STK33: variants seen among roughly 807,000 people sequenced by gnomAD.
The protein encoded by STK33 is serine/threonine kinase 33.
STK33 carries 52 observed loss-of-function variants against 58.0 expected under a neutral mutation model. The observed-to-expected ratio is 0.90, with a 90% CI of 0.72 to 1.13. The LOEUF (loss-of-function observed/expected upper bound fraction) is 1.13, where lower values mean the gene tolerates loss of function less well. STK33 is among the 50% of genes most tolerant of loss of function. STK33 has a pLI of 0.00. For synonymous variants in STK33, 215 were observed against 200.1 expected, an observed-to-expected ratio of 1.07 and a Z score of -0.63; for missense variants, 630 against 604.2, an observed-to-expected ratio of 1.04 and a Z score of -0.45.
intron 1 of STK33, among the ~76,000 whole-genome samples, chr11:8,491,602 A>G (rs1950616340): frequency 6.6e-6 from 1 of 152,210 alleles, no homozygotes; most frequent in South Asian, 2.1e-4. Context: ...AACACCATAA[A>G]GATATTCCTT....
At chr11:8,494,486 G>A (rs542297216) in intron 1 of STK33, among the ~76,000 whole-genome samples, 4 of 152,170 alleles carry the variant, frequency 2.6e-5, no homozygotes, top group Non-Finnish European at 5.9e-5. Context: ...TCATGGATAG[G>A]AAGAATCAAT....
At chr11:8,558,364 C>T (rs939990561) in intron 1 of STK33, among the ~76,000 whole-genome samples, 1 of 151,568 alleles carries the variant, frequency 6.6e-6, no homozygotes, top group Non-Finnish European at 1.5e-5. Flanking sequence ...GGAAATGTAG[C>T]TAGGGACACA....
At chr11:8,440,591 T>C (rs1487502333) in intron 12 of STK33, 87 bp downstream of exon 12, 9 of 1,142,892 alleles carry the variant, frequency 7.9e-6, no homozygotes, top group Admixed American at 5.9e-5. Context: ...TTTAAAAATA[T>C]ATATTAGTTT....
chr11:8,395,245 G>C (rs895401703), intron 15 of STK33, among the ~76,000 whole-genome samples: 16 of 152,180 alleles, frequency 1.1e-4, no homozygotes, highest in African/African-American at 3.9e-4. Flanking sequence ...GGAGGTAATT[G>C]AATCACAGGG....
chr11:8,532,299 G>A (rs185996437), intron 1 of STK33, among the ~76,000 whole-genome samples: 2 of 152,320 alleles, frequency 1.3e-5, no homozygotes, highest in Non-Finnish European at 2.9e-5. Context: ...CTGGCCTGTC[G>A]CTTGCTTTTA....
intron 15 of STK33, 85 bp from the exon 16 acceptor site, chr11:8,392,795 G>C: frequency 7.1e-7 from 1 of 1,413,860 alleles, no homozygotes; most frequent in Non-Finnish European, 9.8e-7. Flanking sequence ...AAGTTGTCCA[G>C]GATTTGCAAG....
chr11:8,501,350 G>C (rs1376593699), intron 1 of STK33, among the ~76,000 whole-genome samples: 1 of 151,922 alleles, frequency 6.6e-6, no homozygotes, highest in Admixed American at 6.6e-5. Flanking sequence ...AGAATAAAGA[G>C]ACAACCCAAT....
chr11:8,335,210 C>T, the STK33 span, among the ~76,000 whole-genome samples: 1 of 152,180 alleles, frequency 6.6e-6, no homozygotes. Context: ...CAACTCTGGG[C>T]CCCTCCTGAT....
At chr11:8,579,049 T>G (rs1958378578) in intron 1 of STK33, among the ~76,000 whole-genome samples, 1 of 152,126 alleles carries the variant, frequency 6.6e-6, no homozygotes, top group African/African-American at 2.4e-5. Flanking sequence ...AATCACCAAG[T>G]TATAGTCATC....
chr11:8,579,239 G>C (rs77683110), intron 1 of STK33, among the ~76,000 whole-genome samples: 2,742 of 152,044 alleles, frequency 0.018, 88 homozygotes, highest in African/African-American at 0.061. Flanking sequence ...ATTTGGTATA[G>C]GTTTTTTATT....
chr11:8,585,661 G>A (rs1035101626), intron 1 of STK33, among the ~76,000 whole-genome samples: 1 of 152,118 alleles, frequency 6.6e-6, no homozygotes, highest in Non-Finnish European at 1.5e-5. Context: ...TGTATTCCAA[G>A]CACTTTGGGA....
chr11:8,450,245 T>C (rs1319702431), intron 11 of STK33, among the ~76,000 whole-genome samples: 1 of 152,152 alleles, frequency 6.6e-6, no homozygotes, highest in African/African-American at 2.4e-5. Flanking sequence ...GATGAGTTCA[T>C]GTCCTTTGCA....
At chr11:8,393,393 G>A (rs996510227) in intron 15 of STK33, among the ~76,000 whole-genome samples, 6 of 152,208 alleles carry the variant, frequency 3.9e-5, no homozygotes, top group African/African-American at 2.4e-5. Context: ...TTCTCAGGTC[G>A]CCTCATTCCA....
chr11:8,401,248 A>C (rs549753107), intron 15 of STK33, among the ~76,000 whole-genome samples: 1 of 152,220 alleles, frequency 6.6e-6, no homozygotes, highest in Non-Finnish European at 1.5e-5. Flanking sequence ...CCAAAACAGC[A>C]TGGTACTGGT....
intron 1 of STK33, among the ~76,000 whole-genome samples, chr11:8,581,683 C>G (rs1430434915): frequency 1.3e-5 from 2 of 152,330 alleles, no homozygotes; most frequent in African/African-American, 4.8e-5. Flanking sequence ...GTAACTTCCC[C>G]TATGTGATTA....
At chr11:8,447,849 C>T (rs1220011880) in intron 11 of STK33, among the ~76,000 whole-genome samples, 2 of 152,154 alleles carry the variant, frequency 1.3e-5, no homozygotes, top group Non-Finnish European at 2.9e-5. Context: ...GTCAAATTGT[C>T]CCTGTTTGCA....
chr11:8,540,634 G>C (rs1955433845), intron 1 of STK33, among the ~76,000 whole-genome samples: 1 of 152,062 alleles, frequency 6.6e-6, no homozygotes, highest in Non-Finnish European at 1.5e-5. Context: ...AAAAAAGACA[G>C]ACACAGAAAG....
the STK33 span, among the ~76,000 whole-genome samples, chr11:8,337,446 G>A: frequency 6.6e-6 from 1 of 152,136 alleles, no homozygotes; most frequent in South Asian, 2.1e-4. Flanking sequence ...CAACAGGGCC[G>A]GCCTAGGGGG....
downstream of STK33, among the ~76,000 whole-genome samples, chr11:8,389,217 G>A (rs1460485731): frequency 1.3e-5 from 2 of 152,262 alleles, no homozygotes; most frequent in African/African-American, 2.4e-5. Context: ...GGACACAGCT[G>A]TAAGAGGGCT....
Sources: allele counts gnomAD v4.1 joint callset (sites outside exome capture counted in the v4.1 genomes callset), GRCh38; gene constraint gnomAD v4.1.1; transcripts MANE v1.5; gene names NCBI Gene and HGNC (gene_info 2026-07-23, HGNC 2026-07-21).